Variants in SEMA3A observed in about 807,000 individuals in gnomAD.
SEMA3A encodes semaphorin-3A.
A neutral mutation model predicts 97.9 loss-of-function variants in SEMA3A; 29 were observed. The observed-to-expected ratio is 0.30, with a 90% CI of 0.22 to 0.40. The LOEUF (loss-of-function observed/expected upper bound fraction) is 0.40, where lower values mean the gene tolerates loss of function less well. Ranked by LOEUF, SEMA3A falls within the 10% of genes least tolerant of loss-of-function variation. The pLI is 1.00. For missense variants in SEMA3A, 763 were observed against 951.3 expected, an observed-to-expected ratio of 0.80 and a Z score of 2.60; for synonymous variants, 321 against 323.7, an observed-to-expected ratio of 0.99 and a Z score of 0.09.
chr7:84,279,719 G>T (rs562510970), intron 3 of SEMA3A, among the ~76,000 whole-genome samples: 3 of 152,108 alleles, frequency 2.0e-5, no homozygotes, highest in African/African-American at 7.2e-5. Context: ...CCAACAAAAG[G>T]TTTTCTAATA....
rs376684446 is a variant in SEMA3A at position 84,134,823 on chromosome 7, C to G, written c.241G>C (p.Asp81His). The change falls in exon 2 of 17, where the codon GAC becomes CAC. Residue 81 changes from aspartate (D) to histidine (H), a missense_variant. Physicochemically the swap from Asp to His is moderately conservative, Grantham distance 81 (BLOSUM62 -1). Around this residue, in one of 2 missense-constraint regions of SEMA3A, gnomAD observed 678 missense variants for 881.3 expected, o/e 0.77. Transcript: ENST00000265362. ...TGAAAATCCTTGATATTAACCAGGT[C>G]GAATGAAAATATGTGATCCTTTGCT... Reference protein sequence around the residue: ...VGAKDHIFSFDLVNIKDFQKI... With the variant: ...VGAKDHIFSFHLVNIKDFQKI... 1.2e-6 allele frequency: 2 copies of G among 1,612,458 alleles called. No individual in the cohort carries two copies. The highest frequency in any genetic ancestry group is 1.7e-6 in the Non-Finnish European group (2 of 1,179,336).
At chr7:84,046,265 CT>C in intron 6 of SEMA3A, 58 bp downstream of exon 6, 5 of 1,578,454 alleles carry the variant, frequency 3.2e-6, no homozygotes, top group Non-Finnish European at 4.3e-6. Context: ...AAAGAGTTCT[CT>C]AGTAACTTAA....
intron 4 of SEMA3A, among the ~76,000 whole-genome samples, chr7:84,106,749 G>A (rs1360850034): frequency 6.6e-6 from 1 of 152,078 alleles, no homozygotes; most frequent in East Asian, 1.9e-4. Context: ...ATGATGATAA[G>A]TCTATAATGT....
At chr7:84,140,601 T>C (rs546240426) in intron 1 of SEMA3A, among the ~76,000 whole-genome samples, 1 of 152,130 alleles carries the variant, frequency 6.6e-6, no homozygotes. Flanking sequence ...AAAGAACCCA[T>C]TGAAGTAGTC....
At chr7:84,454,050 T>C (rs1224112088) in intron 1 of SEMA3A, among the ~76,000 whole-genome samples, 1 of 152,208 alleles carries the variant, frequency 6.6e-6, no homozygotes, top group Non-Finnish European at 1.5e-5. Flanking sequence ...GCTGCAATTA[T>C]TTACAGTACA....
chr7:84,049,228 G>A lies in SEMA3A; in HGVS notation c.548-2785C>T, dbSNP rs533455476. Among the ~76,000 whole-genome samples the A allele has an allele frequency of 2.8e-4, 42 of 152,122 alleles. 1 individual carries two copies. In the South Asian group the frequency reaches 8.5e-3, roughly 31 times the overall value. On this transcript the variant is annotated intron_variant, in intron 5 of 16. Coordinates refer to ENST00000265362, the MANE Select transcript of SEMA3A (RefSeq NM_006080.3). Reference sequence around the variant, plus strand: ...CACATGAATATTATTTTTGGCAAGAGTTAGATGATTTTATTGAACTGGAGG... The same window carrying A: ...CACATGAATATTATTTTTGGCAAGAATTAGATGATTTTATTGAACTGGAGG...
chr7:84,060,478 T>C lies in SEMA3A; in HGVS notation c.534A>G (p.Ala178=), dbSNP rs148848400. 1.3e-6 allele frequency: 2 copies of C among 1,585,244 alleles called. No homozygotes were observed. Among genetic ancestry groups the C allele is most frequent in the African/African-American group, 1.4e-5 (1 of 73,080 alleles). ...TTGACTACGCACCTATTAAAAGGGATGCTGTCAGCAGCTTAGGGTCATATG... is the reference window on the plus strand; with the variant it reads ...TTGACTACGCACCTATTAAAAGGGACGCTGTCAGCAGCTTAGGGTCATATG... ...KSPYDPKLLT[A]SLLIDGELYS... is the part of the protein sequence containing the mutation. The change falls in exon 5 of 17, where the codon GCA becomes GCG. Residue 178 remains alanine (A), a synonymous_variant. Transcript: ENST00000265362.
intron 1 of SEMA3A, among the ~76,000 whole-genome samples, chr7:84,406,983 A>T (rs1214445310): frequency 2.0e-5 from 3 of 152,208 alleles, no homozygotes; most frequent in Non-Finnish European, 4.4e-5. Context: ...CCCTTGGAAA[A>T]CTGGCACAAG....
chr7:84,189,107 T>G (rs982198484), intron 1 of SEMA3A, among the ~76,000 whole-genome samples: 1 of 151,866 alleles, frequency 6.6e-6, no homozygotes, highest in Non-Finnish European at 1.5e-5. Context: ...GGGGTAAAAG[T>G]CATCCCAAGA....
At chr7:84,265,062 G>A (rs1235667915) in intron 3 of SEMA3A, among the ~76,000 whole-genome samples, 1 of 152,096 alleles carries the variant, frequency 6.6e-6, no homozygotes, top group Non-Finnish European at 1.5e-5. Flanking sequence ...CTTCGAAGAT[G>A]AAGGCTTCAC....
At chr7:84,111,466 TA>T (rs1795274193) in intron 3 of SEMA3A, among the ~76,000 whole-genome samples, 1 of 152,178 alleles carries the variant, frequency 6.6e-6, no homozygotes, top group African/African-American at 2.4e-5. Flanking sequence ...TGCAGCTGAT[TA>T]TTTTTATCTT....
In SEMA3A at chr7:84,400,310, C is replaced by A. The variant is rs964395375; in HGVS notation, c.-245-28410G>T. ...GAATAAATAAGGCACCAGTGACTAA[C>A]CCTGAAGGACAGAGACATGTGATCC... On this transcript the variant is annotated intron_variant, in intron 1 of 3. Transcript: ENST00000424555. Among the ~76,000 whole-genome samples the A allele has an allele frequency of 5.3e-5, 8 of 152,218 alleles. No individual in the cohort carries two copies. The South Asian group carries it at 6.2e-4, about 12-fold the overall frequency.
upstream of SEMA3A, chr7:84,194,946 A>T (rs567349142): frequency 1.3e-3 from 218 of 169,424 alleles, 1 homozygote; most frequent in African/African-American, 5.2e-3. Context: ...AGCCGGTGGC[A>T]GTCTCTAATC....
chr7:84,109,919 T>C (rs1044315141), intron 4 of SEMA3A, among the ~76,000 whole-genome samples: 2 of 152,204 alleles, frequency 1.3e-5, no homozygotes, highest in African/African-American at 4.8e-5. Context: ...TTACAAGGAA[T>C]AGACAGATTT....
At chr7:84,056,606 C>T (rs561263560) in intron 5 of SEMA3A, among the ~76,000 whole-genome samples, 4 of 152,048 alleles carry the variant, frequency 2.6e-5, no homozygotes, top group South Asian at 2.1e-4. Context: ...AATACCCCCT[C>T]TATCACACAC....
At chr7:84,037,053 A>T (rs1402702772) in intron 6 of SEMA3A, among the ~76,000 whole-genome samples, 1 of 152,110 alleles carries the variant, frequency 6.6e-6, no homozygotes, top group Non-Finnish European at 1.5e-5. Context: ...TCTCATCAGG[A>T]AATTATTATT....
At chr7:84,456,728 T>G (rs1190130390) in intron 1 of SEMA3A, among the ~76,000 whole-genome samples, 3 of 151,828 alleles carry the variant, frequency 2.0e-5, no homozygotes, top group Non-Finnish European at 4.4e-5. Context: ...CCATGTTATA[T>G]TTGGCTTTAT....
intron 1 of SEMA3A, among the ~76,000 whole-genome samples, chr7:84,463,238 T>TG (rs1491131976): frequency 6.3e-5 from 3 of 47,324 alleles, no homozygotes; most frequent in African/African-American, 3.9e-4. Flanking sequence ...GTAACTATTC[T>TG]TTTTTTTTTT....
At chr7:84,147,199 A>G (rs938753674) in intron 1 of SEMA3A, among the ~76,000 whole-genome samples, 29 of 152,216 alleles carry the variant, frequency 1.9e-4, no homozygotes, top group African/African-American at 4.3e-4. Flanking sequence ...ATAGTGATAA[A>G]CCACTTTGTC....
Sources: allele counts gnomAD v4.1 joint callset (sites outside exome capture counted in the v4.1 genomes callset), GRCh38; gene constraint gnomAD v4.1.1; regional missense constraint gnomAD v4.1.1; transcripts MANE v1.5; gene names NCBI Gene and HGNC (gene_info 2026-07-23, HGNC 2026-07-21).